The following KLF7 variants were observed in gnomAD, a reference collection of about 807,000 sequenced individuals.
KLF7 encodes Krueppel-like factor 7.
Under a neutral mutation model 27.3 loss-of-function variants are expected in KLF7, and 2 were observed. The ratio of observed to expected loss-of-function variants is 0.07; its 90% CI spans 0.03 to 0.23. KLF7 has a LOEUF of 0.23. Ranked by LOEUF, KLF7 falls within the 10% of genes least tolerant of loss-of-function variation. The pLI, the probability that KLF7 is intolerant of heterozygous loss-of-function variation, is 1.00. For missense variants in KLF7, 221 were observed against 394.1 expected, an observed-to-expected ratio of 0.56 and a Z score of 3.72; for synonymous variants, 165 against 162.4, an observed-to-expected ratio of 1.02 and a Z score of -0.12.
At chr2:207,171,653 T>C (rs764192781), upstream of KLF7, among the ~76,000 whole-genome samples, 1 of 152,190 alleles carries the variant, frequency 6.6e-6, no homozygotes, top group Admixed American at 6.5e-5. Flanking sequence ...GGAAAAAGAT[T>C]ATGACTTGCT....
Position 207,078,106 on chromosome 2 carries a change from G to A in KLF7, c.*3107C>T, listed in dbSNP as rs922784600. The A allele has an allele frequency of 2.0e-5, 3 of 152,226 alleles. No homozygotes were observed. The highest frequency in any genetic ancestry group is 4.4e-5 in the Non-Finnish European group (3 of 68,050). 9.4% of individuals were successfully genotyped at this position (152,226 alleles called of 1,614,324 possible). A position where few individuals can be genotyped will look rare whatever the true frequency, so the allele number is the denominator to read the frequency against. On this transcript the variant is annotated 3_prime_UTR_variant, in exon 4 of 4. Transcript: ENST00000309446. ...CATCTCTGCCACTGCAGAGGTGATG[G>A]ACGTTTTATTACAAATCCATTTCCA...
At chr2:207,102,914 A>G (rs944304384) in intron 2 of KLF7, among the ~76,000 whole-genome samples, 2 of 152,110 alleles carry the variant, frequency 1.3e-5, no homozygotes, top group Non-Finnish European at 2.9e-5. Flanking sequence ...TGGCAAGTGC[A>G]ATGTCAAGCT....
At chr2:207,173,082 G>A in the KLF7 span, among the ~76,000 whole-genome samples, 2 of 151,922 alleles carry the variant, frequency 1.3e-5, no homozygotes, top group East Asian at 3.9e-4. Flanking sequence ...TCAGAGAGGC[G>A]GAGGTTGGTA....
At chr2:207,134,904 T>C (rs1039405250) in intron 1 of KLF7, among the ~76,000 whole-genome samples, 4 of 152,212 alleles carry the variant, frequency 2.6e-5, no homozygotes, top group African/African-American at 9.6e-5. Context: ...TCAATTGACA[T>C]GCCAAGTACT....
intron 1 of KLF7, among the ~76,000 whole-genome samples, chr2:207,139,335 C>T (rs2077875198): frequency 6.6e-6 from 1 of 152,162 alleles, no homozygotes; most frequent in Non-Finnish European, 1.5e-5. Context: ...TGGAGTCCCC[C>T]TGTGAGACTG....
At chr2:207,100,803 CCA>C (rs2076749354) in intron 2 of KLF7, among the ~76,000 whole-genome samples, 1 of 152,190 alleles carries the variant, frequency 6.6e-6, no homozygotes, top group African/African-American at 2.4e-5. Flanking sequence ...CTGCTTCTCC[CCA>C]CACACATTAA....
At chr2:207,148,147 T>C (rs1328535877) in intron 1 of KLF7, among the ~76,000 whole-genome samples, 1 of 152,220 alleles carries the variant, frequency 6.6e-6, no homozygotes, top group Non-Finnish European at 1.5e-5. Flanking sequence ...GTAAATCAAA[T>C]TGGTGGCAAA....
chr2:207,075,337 T>C lies in KLF7; in HGVS notation c.*5876A>G, dbSNP rs1268899583. On this transcript the variant is annotated 3_prime_UTR_variant, in exon 4 of 4. Transcript: ENST00000309446. ...TGTACAGCAAAAAAACTTGACAAAG[T>C]AATATATTTATATATATATATATAT... is the stretch of plus-strand genomic sequence containing the variant. 6.7e-6 allele frequency: 1 copy of C among 148,632 alleles called. No individual in the cohort carries two copies. Among genetic ancestry groups the C allele is most frequent in the Non-Finnish European group, 1.5e-5 (1 of 67,264 alleles). The allele number at this position is 148,632 out of a possible 1,614,324, so 9.2% of individuals were successfully genotyped here.
intron 1 of KLF7, among the ~76,000 whole-genome samples, chr2:207,160,454 C>T (rs2078513566): frequency 6.6e-6 from 1 of 152,122 alleles, no homozygotes; most frequent in Non-Finnish European, 1.5e-5. Flanking sequence ...GTCGTGGGGT[C>T]CAGCAAAGAT....
At chr2:207,136,957 T>C (rs1574537692) in intron 1 of KLF7, among the ~76,000 whole-genome samples, 1 of 152,176 alleles carries the variant, frequency 6.6e-6, no homozygotes, top group East Asian at 1.9e-4. Context: ...GAGCCTCTTT[T>C]CAAGGTGGAG....
At chr2:207,125,131 T>C (rs1435996770) in intron 1 of KLF7, among the ~76,000 whole-genome samples, 4 of 152,214 alleles carry the variant, frequency 2.6e-5, no homozygotes, top group African/African-American at 7.2e-5. Context: ...TCTGACTACA[T>C]GATAAAAATA....
At chr2:207,156,496 C>A (rs1434508602) in intron 1 of KLF7, among the ~76,000 whole-genome samples, 1 of 152,208 alleles carries the variant, frequency 6.6e-6, no homozygotes, top group African/African-American at 2.4e-5. Context: ...ATGCATCCAG[C>A]CCTTTCAAAC....
At chr2:207,126,627 C>T (rs573376743) in intron 1 of KLF7, among the ~76,000 whole-genome samples, 3 of 152,026 alleles carry the variant, frequency 2.0e-5, no homozygotes, top group Non-Finnish European at 2.9e-5. Flanking sequence ...AACACAAGAC[C>T]CTGTCTCCAC....
intron 1 of KLF7, among the ~76,000 whole-genome samples, chr2:207,156,217 G>A (rs7603172): frequency 0.24 from 35,984 of 152,178 alleles, 5,117 homozygotes; most frequent in Middle Eastern, 0.32. Flanking sequence ...AAAAAGAGGC[G>A]TTTCTAAGGC....
At chr2:207,112,611 AG>A (rs2077067913) in intron 2 of KLF7, among the ~76,000 whole-genome samples, 1 of 152,230 alleles carries the variant, frequency 6.6e-6, no homozygotes. Flanking sequence ...GCTCCTTCCC[AG>A]GGGAATAAAG....
chr2:207,172,084 A>C (rs542663448), upstream of KLF7, among the ~76,000 whole-genome samples: 1 of 152,176 alleles, frequency 6.6e-6, no homozygotes, highest in Non-Finnish European at 1.5e-5. Context: ...TGGGAGAGCC[A>C]CTAAAGCAGG....
At chr2:207,118,222 T>A (rs1236247547) in intron 2 of KLF7, among the ~76,000 whole-genome samples, 3 of 152,232 alleles carry the variant, frequency 2.0e-5, no homozygotes, top group Admixed American at 1.3e-4. Flanking sequence ...ACATTTGTCA[T>A]TTTAATGCGT....
chr2:207,085,246 A>G (rs998308874), intron 3 of KLF7, among the ~76,000 whole-genome samples: 1 of 151,328 alleles, frequency 6.6e-6, no homozygotes, highest in African/African-American at 2.4e-5. Context: ...CTAGGTGACC[A>G]AGAGGCTAAG....
At chr2:207,150,401 A>G (rs772861415) in intron 1 of KLF7, among the ~76,000 whole-genome samples, 8 of 152,244 alleles carry the variant, frequency 5.3e-5, no homozygotes, top group Non-Finnish European at 4.4e-5. Context: ...ACTGGAACAA[A>G]TAAAAAGTCA....
Sources: gnomAD v4.1 joint callset for allele counts (sites outside exome capture counted in the v4.1 genomes callset) on GRCh38, gnomAD v4.1.1 for gene constraint, MANE v1.5 for transcripts, NCBI Gene and HGNC (gene_info 2026-07-23, HGNC 2026-07-21) for gene names.